RTTN: variants seen among roughly 807,000 people sequenced by gnomAD.
RTTN encodes the protein rotatin.
A neutral mutation model predicts 269.2 loss-of-function variants in RTTN; 182 were observed. That is an observed-to-expected ratio of 0.68 (90% CI 0.60 to 0.76). The LOEUF is 0.76. Ranked by LOEUF, RTTN falls within the 30% of genes least tolerant of loss-of-function variation. The pLI is 0.00. For missense variants in RTTN, 2,545 were observed against 2,608.6 expected (o/e 0.98, Z 0.53); for synonymous variants, 1,006 against 963.5 (o/e 1.04, Z -0.82).
chr18:70,149,926 A>G (rs2060493142), intron 16 of RTTN, 45 bp downstream of exon 16: 1 of 1,298,212 alleles, frequency 7.7e-7, no homozygotes. Context: ...AATCACACCC[A>G]GCCAAAGATA....
chr18:70,141,307 C>T (rs2060251513), intron 19 of RTTN, among the ~76,000 whole-genome samples: 1 of 152,048 alleles, frequency 6.6e-6, no homozygotes. Context: ...ACATACATCA[C>T]GTATGGGGAA....
chr18:70,006,387 A>G lies in RTTN; in HGVS notation c.6519T>C (p.Tyr2173=). 2 of 1,612,616 alleles carry G rather than the reference A, an allele frequency of 1.2e-6. No homozygotes were observed. Among genetic ancestry groups the G allele is most frequent in the Non-Finnish European group, 1.7e-6 (2 of 1,178,614 alleles). Residue 2173 remains tyrosine (Y), a synonymous_variant, in exon 47 of 49, where the codon TAT becomes TAC. Transcript: ENST00000640769. ...AAALWALIYN[Y]QKAKTALKSP... ...AATGATTTTTAAAACTGACCTTCTG[A>G]TAATTGTAAATCAGAGCCCAAAGGG... is the stretch of plus-strand genomic sequence containing the variant.
In RTTN at chr18:70,101,887, CTGAG is replaced by C. The variant is rs944699045; in HGVS notation, c.3903+7607_3903+7610del. Among the ~76,000 whole-genome samples the C allele has an allele frequency of 9.9e-5, 15 of 152,122 alleles. 1 individual carries two copies. The highest frequency in any genetic ancestry group is 3.6e-4 in the African/African-American group (15 of 41,432). ...TCAGTTTCCATGTAGTTGAGCTGTT[CTGAG>C]TGAGTTTCTTAATCCTGAGTTCCAG... On this transcript the variant is annotated intron_variant, in intron 28 of 48. Coordinates refer to ENST00000640769, the MANE Select transcript of RTTN (RefSeq NM_173630.4).
chr18:70,135,750 T>A (rs1223965704), intron 21 of RTTN, among the ~76,000 whole-genome samples: 1 of 152,188 alleles, frequency 6.6e-6, no homozygotes, highest in Non-Finnish European at 1.5e-5. Flanking sequence ...GACTTTAAAA[T>A]GTTATCCTTG....
chr18:70,019,094 G>A (rs1233216741), intron 45 of RTTN, among the ~76,000 whole-genome samples: 1 of 152,038 alleles, frequency 6.6e-6, no homozygotes, highest in Non-Finnish European at 1.5e-5. Flanking sequence ...TTAGAGCAGA[G>A]GAAAAAGACT....
chr18:70,128,609 GAGCCAC>G, intron 23 of RTTN, 63 bp from the exon 24 acceptor site: 1 of 1,430,420 alleles, frequency 7.0e-7, no homozygotes, highest in Non-Finnish European at 9.7e-7. Context: ...TCAAAAAGAT[GAGCCAC>G]AAATGAGGGC....
intron 7 of RTTN, chr18:70,194,156 GAACA>G (rs1455030949): frequency 6.6e-6 from 1 of 152,110 alleles, no homozygotes; most frequent in African/African-American, 2.4e-5. Flanking sequence ...GAAGATACAT[GAACA>G]AACAATAAGC....
chr18:70,099,293 T>A lies in RTTN; in HGVS notation c.3904-6489A>T, dbSNP rs184885879. 7.3e-3 allele frequency among the ~76,000 whole-genome samples: 1,118 copies of A among 152,348 alleles called. 7 individuals carry two copies. Among genetic ancestry groups the A allele is most frequent in the Non-Finnish European group, 0.012 (845 of 68,032 alleles). On this transcript the variant is annotated intron_variant, in intron 28 of 48. Transcript: ENST00000640769. Reference sequence around the variant, plus strand: ...ATTTTAATGTTGCCATTCTGACTGGTGTGAGATGGTTTCTCATTGTCGTTT... The same window carrying A: ...ATTTTAATGTTGCCATTCTGACTGGAGTGAGATGGTTTCTCATTGTCGTTT...
intron 40 of RTTN, among the ~76,000 whole-genome samples, chr18:70,047,110 T>C (rs1367832466): frequency 6.6e-6 from 1 of 152,196 alleles, no homozygotes; most frequent in Non-Finnish European, 1.5e-5. Flanking sequence ...AACAATCTTC[T>C]AAGCAACAAA....
intron 38 of RTTN, chr18:70,053,292 C>A (rs543405339): frequency 3.6e-4 from 55 of 152,336 alleles, no homozygotes; most frequent in African/African-American, 1.3e-3. Context: ...GTTTTTGCCT[C>A]ACCCTCTTCT....
chr18:70,047,655 A>C (rs2057529029), intron 40 of RTTN, among the ~76,000 whole-genome samples: 1 of 152,168 alleles, frequency 6.6e-6, no homozygotes, highest in African/African-American at 2.4e-5. Context: ...TTGAACCATA[A>C]CTGCATTTCT....
At position 70,024,727 on chromosome 18, in the gene RTTN, G is replaced by A. The variant is rs2056804625; in HGVS notation, c.5945C>T (p.Pro1982Leu). Residue 1982 changes from proline (P) to leucine (L), a missense_variant, in exon 44 of 49, where the codon CCA (proline) becomes CTA (leucine). Pro to Leu is a moderately conservative substitution (Grantham distance 98). Coordinates refer to ENST00000640769, the MANE Select transcript of RTTN (RefSeq NM_173630.4). ...GCAGTATTGGATCCTATTACCATTT[G>A]GAAAATTTGCAGTATAGACACAAAG... ...QLLCVYTANF[P>L]NGCSSLCWSS... 1.2e-6 allele frequency: 2 copies of A among 1,612,726 alleles called. No homozygotes were observed. The highest frequency in any genetic ancestry group is 1.7e-6 in the Non-Finnish European group (2 of 1,179,118).
At position 70,075,454 on chromosome 18, in the gene RTTN, C is replaced by T. The variant is rs780610053; in HGVS notation, c.4462G>A (p.Glu1488Lys). Reference protein sequence around the residue: ...QALLYHCHFYEHLNQMVKHCY... With the variant: ...QALLYHCHFYKHLNQMVKHCY... The stretch of plus-strand genomic sequence containing the variant: ...TGCTTTACCATCTGATTCAAATGTT[C>T]ATAAAAATGGCAGTGATATAAAAGA... Residue 1488 changes from glutamate to lysine, a missense_variant, in exon 33 of 49, where the codon GAA (glutamate) becomes AAA (lysine). Transcript: ENST00000640769. 7 of 1,608,520 alleles carry T rather than the reference C, an allele frequency of 4.4e-6. No individual in the cohort carries two copies. The South Asian group carries it at 6.7e-5, about 15-fold the overall frequency.
chr18:70,134,672 A>G (rs2145672048), intron 22 of RTTN, 131 bp from the exon 23 acceptor site: 3 of 602,014 alleles, frequency 5.0e-6, no homozygotes, highest in African/African-American at 1.9e-5. Context: ...ATCATTTAGT[A>G]TAGAAACAAC....
chr18:70,005,454 G>A, intron 47 of RTTN, 187 bp from the exon 48 acceptor site: 2 of 415,138 alleles, frequency 4.8e-6, no homozygotes, highest in South Asian at 1.6e-4. Context: ...CTGAAGTCTT[G>A]CCCATATCCT....
chr18:70,037,757 G>A (rs779637059), intron 40 of RTTN, among the ~76,000 whole-genome samples: 4 of 152,190 alleles, frequency 2.6e-5, no homozygotes, highest in Non-Finnish European at 4.4e-5. Context: ...ACTTTGTCTT[G>A]CATCTTAGGT....
chr18:70,064,753 T>C (rs2058087311), intron 35 of RTTN, among the ~76,000 whole-genome samples: 1 of 152,152 alleles, frequency 6.6e-6, no homozygotes, highest in Non-Finnish European at 1.5e-5. Context: ...ATCCTAAAAT[T>C]GATCGTGGTG....
chr18:70,202,051 T>C (rs1365341562), intron 3 of RTTN, 68 bp from the exon 4 acceptor site: 2 of 887,640 alleles, frequency 2.3e-6, no homozygotes, highest in African/African-American at 3.4e-5. Context: ...TTACTTTCTT[T>C]AAGTGGTAAT....
At chr18:70,072,573 T>C (rs1427553387) in intron 34 of RTTN, among the ~76,000 whole-genome samples, 1 of 152,144 alleles carries the variant, frequency 6.6e-6, no homozygotes, top group East Asian at 1.9e-4. Flanking sequence ...GGTTTTCTTG[T>C]ATAGGATAAA....
Sources: allele counts gnomAD v4.1 joint callset (sites outside exome capture counted in the v4.1 genomes callset), GRCh38; gene constraint gnomAD v4.1.1; transcripts MANE v1.5; gene names NCBI Gene and HGNC (gene_info 2026-07-23, HGNC 2026-07-21).